The following AMOTL1 variants were observed in gnomAD, a reference collection of about 807,000 sequenced individuals.
AMOTL1 encodes the protein angiomotin like 1.
Under a neutral mutation model 102.9 loss-of-function variants are expected in AMOTL1, and 45 were observed. The ratio of observed to expected loss-of-function variants is 0.44; its 90% confidence interval spans 0.34 to 0.56. The LOEUF (loss-of-function observed/expected upper bound fraction) is 0.56. Ranked by LOEUF, AMOTL1 falls within the 20% of genes least tolerant of loss-of-function variation. The pLI is 0.01. For missense variants in AMOTL1, 1,114 were observed against 1,225.6 expected, an observed-to-expected ratio of 0.91 and a Z score of 1.36; for synonymous variants, 481 against 484.7, an observed-to-expected ratio of 0.99 and a Z score of 0.10.
At position 94,831,500 on chromosome 11, in the gene AMOTL1, G is replaced by A. The variant is rs771164995; in HGVS notation, c.1607G>A (p.Gly536Glu). Residue 536 changes from glycine (G) to glutamate (E), a missense_variant, in exon 6 of 13, where the codon GGG becomes GAG. Transcript: ENST00000433060. ...CAACTATCCAGCAGGGAATACGAAGGGCATGAAGACAAAGCTGCAGAGGGG... is the reference window on the plus strand; with the variant it reads ...CAACTATCCAGCAGGGAATACGAAGAGCATGAAGACAAAGCTGCAGAGGGG... ...NRQLSSREYE[G>E]HEDKAAEGHY... 3.1e-6 allele frequency: 5 copies of A among 1,613,784 alleles called. No homozygotes were observed. Among genetic ancestry groups the A allele is most frequent in the Non-Finnish European group, 4.2e-6 (5 of 1,179,824 alleles).
intron 1 of AMOTL1, among the ~76,000 whole-genome samples, chr11:94,774,287 T>G (rs1333220971): frequency 6.6e-6 from 1 of 152,202 alleles, no homozygotes; most frequent in Admixed American, 6.5e-5. Flanking sequence ...TCACAATCTA[T>G]TACTATCTAT....
rs147196337 is a variant in AMOTL1, at chr11:94,865,263, T to G, written c.2261+403T>G. Reference sequence around the variant, plus strand: ...ATATTCCAGTCCAAAATAAAGAACATATTTAGCTAATGCACTCTTCTGATG... The same window carrying G: ...ATATTCCAGTCCAAAATAAAGAACAGATTTAGCTAATGCACTCTTCTGATG... On this transcript the variant is annotated intron_variant, in intron 10 of 12. Transcript: ENST00000433060. Among the ~76,000 whole-genome samples the G allele has an allele frequency of 5.8e-3, 878 of 152,290 alleles. 2 individuals are homozygous for G. Among genetic ancestry groups the G allele is most frequent in the Middle Eastern group, 0.01 (3 of 294 alleles).
At chr11:94,838,326 A>G (rs916989480) in intron 6 of AMOTL1, among the ~76,000 whole-genome samples, 11 of 152,206 alleles carry the variant, frequency 7.2e-5, no homozygotes, top group Non-Finnish European at 1.5e-4. Context: ...TGAAATGATC[A>G]TTATCATTTA....
At chr11:94,805,416 C>G (rs1304654929) in intron 3 of AMOTL1, among the ~76,000 whole-genome samples, 1 of 152,130 alleles carries the variant, frequency 6.6e-6, no homozygotes, top group Non-Finnish European at 1.5e-5. Flanking sequence ...TTTGGAGGTG[C>G]TTTCATTCCT....
In AMOTL1 at chr11:94,831,982, T is replaced by C. The variant is rs148133519; in HGVS notation, c.1648+441T>C. On this transcript the variant is annotated intron_variant, in intron 6 of 12. Coordinates refer to ENST00000433060, the MANE Select transcript of AMOTL1 (RefSeq NM_130847.3). ...CTTGCCAGTGTGCAAGCCATCTAAG[T>C]GATCGCATTATATATCTCCATGTGT... Among the ~76,000 whole-genome samples, 199 of 152,346 alleles carry C rather than the reference T, an allele frequency of 1.3e-3. 2 individuals carry two copies. Among genetic ancestry groups the C allele is most frequent in the African/African-American group, 4.4e-3 (185 of 41,576 alleles).
chr11:94,735,970 A>G (rs1950434230), intron 2 of AMOTL1, among the ~76,000 whole-genome samples: 2 of 152,214 alleles, frequency 1.3e-5, no homozygotes, highest in South Asian at 2.1e-4. Flanking sequence ...AACTCACGAT[A>G]TATCATGGCA....
intron 3 of AMOTL1, among the ~76,000 whole-genome samples, chr11:94,818,909 A>G (rs1448165631): frequency 1.3e-5 from 2 of 152,236 alleles, no homozygotes; most frequent in Admixed American, 6.5e-5. Flanking sequence ...ATTTACATAT[A>G]TAAACCACTT....
chr11:94,858,891 G>A (rs1952718254), intron 8 of AMOTL1, among the ~76,000 whole-genome samples: 1 of 152,238 alleles, frequency 6.6e-6, no homozygotes, highest in Non-Finnish European at 1.5e-5. Context: ...TGACACAGAT[G>A]AAAAGGCCGA....
At chr11:94,730,031 T>C (rs907820324) in intron 2 of AMOTL1, among the ~76,000 whole-genome samples, 1 of 152,174 alleles carries the variant, frequency 6.6e-6, no homozygotes, top group Non-Finnish European at 1.5e-5. Flanking sequence ...CAGGAAGCTT[T>C]GAGAGAGGAA....
chr11:94,732,063 C>T (rs1003819744), intron 2 of AMOTL1, among the ~76,000 whole-genome samples: 1 of 152,194 alleles, frequency 6.6e-6, no homozygotes, highest in Non-Finnish European at 1.5e-5. Context: ...AGCATCTTTC[C>T]TCGACACTCC....
intron 3 of AMOTL1, among the ~76,000 whole-genome samples, chr11:94,745,594 T>C (rs1386420696): frequency 6.6e-6 from 1 of 152,160 alleles, no homozygotes; most frequent in Non-Finnish European, 1.5e-5. Context: ...TAGTTTGAAT[T>C]CTCTTGCAGT....
chr11:94,768,331 A>C (rs1950883559), upstream of AMOTL1: 14 of 1,339,672 alleles, frequency 1.0e-5, no homozygotes, highest in African/African-American at 3.1e-5. Context: ...GCGCGCGGGG[A>C]GCGGGGAGCG....
intron 1 of AMOTL1, among the ~76,000 whole-genome samples, chr11:94,783,060 T>A (rs534895945): frequency 6.6e-6 from 1 of 152,332 alleles, no homozygotes; most frequent in South Asian, 2.1e-4. Flanking sequence ...CAATAATTTT[T>A]AGAGTATAAA....
At chr11:94,854,950 C>G (rs969251632) in intron 8 of AMOTL1, among the ~76,000 whole-genome samples, 1 of 152,188 alleles carries the variant, frequency 6.6e-6, no homozygotes, top group Non-Finnish European at 1.5e-5. Flanking sequence ...TATGAGTAAG[C>G]ACAGAGTGAA....
chr11:94,750,360 G>T (rs1170313670), intron 3 of AMOTL1, among the ~76,000 whole-genome samples: 1 of 152,140 alleles, frequency 6.6e-6, no homozygotes, highest in Non-Finnish European at 1.5e-5. Context: ...TGCTGCTGCT[G>T]CCCCTACTCA....
chr11:94,813,003 C>T (rs1213752571), intron 3 of AMOTL1, among the ~76,000 whole-genome samples: 2 of 152,254 alleles, frequency 1.3e-5, no homozygotes, highest in Non-Finnish European at 2.9e-5. Flanking sequence ...CCTTCCATAA[C>T]TTGTAGCCAT....
At chr11:94,860,795 C>T (rs1952758840) in intron 9 of AMOTL1, among the ~76,000 whole-genome samples, 2 of 152,134 alleles carry the variant, frequency 1.3e-5, no homozygotes, top group African/African-American at 4.8e-5. Context: ...GATGACAGGA[C>T]ATGAACCGAG....
chr11:94,821,967 A>G (rs1419920231), intron 4 of AMOTL1, 146 bp downstream of exon 4: 1 of 1,103,954 alleles, frequency 9.1e-7, no homozygotes, highest in African/African-American at 1.6e-5. Flanking sequence ...GAAAATAAAT[A>G]TGACCCAGTT....
chr11:94,849,264 T>C (rs1952481754), intron 6 of AMOTL1, among the ~76,000 whole-genome samples: 1 of 152,256 alleles, frequency 6.6e-6, no homozygotes, highest in African/African-American at 2.4e-5. Flanking sequence ...ACGTACTGTT[T>C]GTTCAATTTT....
Sources: gnomAD v4.1 joint callset for allele counts (sites outside exome capture counted in the v4.1 genomes callset) on GRCh38, gnomAD v4.1.1 for gene constraint, MANE v1.5 for transcripts, NCBI Gene and HGNC (gene_info 2026-07-23, HGNC 2026-07-21) for gene names.